The following BHMT2 variants were observed in gnomAD, a reference collection of about 807,000 sequenced individuals.
The protein encoded by BHMT2 is S-methylmethionine--homocysteine S-methyltransferase BHMT2.
Under a neutral mutation model 39.0 loss-of-function variants are expected in BHMT2, and 28 were observed. The observed-to-expected ratio is 0.72, with a 90% CI of 0.53 to 0.98. The LOEUF (loss-of-function observed/expected upper bound fraction) is 0.98, where lower values mean the gene tolerates loss of function less well. Among genes scored for constraint, BHMT2 ranks in the 50% least tolerant of loss-of-function variants. The probability of loss-of-function intolerance (pLI) is 0.00; values close to 1 mark genes in which losing one functional copy is unlikely to be tolerated. For synonymous variants in BHMT2, 145 were observed against 160.6 expected (o/e 0.90, Z 0.74); for missense variants, 410 against 455.6 (o/e 0.90, Z 0.91).
chr5:79,081,814 A>G (rs1210440396), intron 4 of BHMT2, among the ~76,000 whole-genome samples: 2 of 152,076 alleles, frequency 1.3e-5, no homozygotes, highest in South Asian at 2.1e-4. Context: ...GAGCCAAGAT[A>G]GGGCACCACT....
Position 79,084,115 on chromosome 5 carries a change from C to T in BHMT2, c.1010+259C>T, listed in dbSNP as rs569617848. 5.9e-5 allele frequency among the ~76,000 whole-genome samples: 9 copies of T among 152,224 alleles called. No homozygotes were observed. In the East Asian group the frequency reaches 1.7e-3, roughly 29 times the overall value. On this transcript the variant is annotated intron_variant, in intron 7 of 7. Transcript: ENST00000255192. ...TTCTGGAGACTGCAAAGTCCAAGAT[C>T]AAGGTGTCAGCAGATTCAATTTCTG... is the stretch of plus-strand genomic sequence containing the variant.
intron 7 of BHMT2, among the ~76,000 whole-genome samples, chr5:79,086,307 T>G (rs1192096208): frequency 6.6e-6 from 1 of 152,202 alleles, no homozygotes; most frequent in Non-Finnish European, 1.5e-5. Flanking sequence ...GCACCCCTTT[T>G]GCCCACAAGC....
At chr5:79,086,789 G>C (rs536164753) in intron 7 of BHMT2, among the ~76,000 whole-genome samples, 1 of 151,752 alleles carries the variant, frequency 6.6e-6, no homozygotes, top group Non-Finnish European at 1.5e-5. Context: ...TTCCATTGTT[G>C]AAAGAAAAAT....
In BHMT2 at chr5:79,083,638, C is replaced by A; in HGVS notation, c.792C>A (p.Ser264=). 1 of 1,613,802 alleles carries A rather than the reference C, an allele frequency of 6.2e-7. No individual in the cohort carries two copies. Among genetic ancestry groups the A allele is most frequent in the Non-Finnish European group, 8.5e-7 (1 of 1,179,878 alleles). The change falls in exon 7 of 8, where the codon TCC becomes TCA. Residue 264 remains serine, a synonymous_variant. Transcript: ENST00000255192. ...ACTATTGTGATTCAGGACTGGAGTC[C>A]AGAGTTGCCACCAGATGGGATATTC... is the stretch of plus-strand genomic sequence containing the variant. ...DLPEYPFGLE[S]RVATRWDIQK...
Position 79,080,812 on chromosome 5 carries a change from T to TA in BHMT2, c.390dup (p.Leu131ThrfsTer23). The TA allele has an allele frequency of 6.2e-7, 1 of 1,605,774 alleles. No homozygotes were observed. Among genetic ancestry groups the TA allele is most frequent in the Non-Finnish European group, 8.5e-7 (1 of 1,177,692 alleles). On this transcript the variant is annotated frameshift_variant, in exon 4 of 8. Transcript: ENST00000255192. LOFTEE classifies it high-confidence loss of function. Reference sequence around the variant, plus strand: ...AATACCAGAAGGATGAAGCTAGAATTAAAAAACTTTTTCGACAACAGCTAG... The same window carrying TA: ...AATACCAGAAGGATGAAGCTAGAATTAAAAAAACTTTTTCGACAACAGCTAG...
chr5:79,071,017 C>T (rs374422398), intron 1 of BHMT2: 1 of 152,172 alleles, frequency 6.6e-6, no homozygotes, highest in East Asian at 1.9e-4. Context: ...TTTTTTCTCT[C>T]AACTTTCTCT....
In BHMT2 at chr5:79,080,683, T is replaced by G. The variant is rs753503049; in HGVS notation, c.259-4T>G. Reference sequence around the variant, plus strand: ...CTATCTGAACTCTTGCTCTCTAACCTCAGTGGGAAGATGTAAATGCTGCTG... The same window carrying G: ...CTATCTGAACTCTTGCTCTCTAACCGCAGTGGGAAGATGTAAATGCTGCTG... On this transcript the variant is annotated splice_region_variant and splice_polypyrimidine_tract_variant and intron_variant, in intron 3 of 7. Coordinates refer to ENST00000255192, the MANE Select transcript of BHMT2 (RefSeq NM_017614.5). The G allele has an allele frequency of 6.3e-7, 1 of 1,579,640 alleles. No individual in the cohort carries two copies. Among genetic ancestry groups the G allele is most frequent in the Admixed American group, 2.0e-5 (1 of 49,124 alleles).
chr5:79,074,977 C>T (rs946161415), intron 1 of BHMT2, among the ~76,000 whole-genome samples: 10 of 152,152 alleles, frequency 6.6e-5, no homozygotes, highest in Admixed American at 3.9e-4. Flanking sequence ...CTGAGGAGGA[C>T]AGTACCCTAG....
chr5:79,078,152 G>C (rs931373440), intron 2 of BHMT2: 1 of 151,898 alleles, frequency 6.6e-6, no homozygotes, highest in Admixed American at 6.6e-5. Context: ...GTGTAACAGC[G>C]TTTATAGTGA....
intron 1 of BHMT2, among the ~76,000 whole-genome samples, chr5:79,076,786 T>G: frequency 6.6e-6 from 1 of 152,212 alleles, no homozygotes; most frequent in South Asian, 2.1e-4. Flanking sequence ...CCACTACCGT[T>G]CTGTTCAGTG....
Position 79,080,977 on chromosome 5 carries a change from A to G in BHMT2, c.450+99A>G, listed in dbSNP as rs56924695. ...GGGTATTGGACAACATTCTGCCCTC[A>G]TTTCTTCCATGTGGATGGTCAAAGG... On this transcript the variant is annotated intron_variant, in intron 4 of 7. Coordinates refer to ENST00000255192, the MANE Select transcript of BHMT2 (RefSeq NM_017614.5). 589 of 1,140,200 alleles carry G rather than the reference A, an allele frequency of 5.2e-4. 1 individual carries two copies. In the African/African-American group the frequency reaches 8.4e-3, roughly 16 times the overall value. The allele number at this position is 1,140,200 out of a possible 1,614,324, so 70.6% of individuals were successfully genotyped here. A position where few individuals can be genotyped will look rare whatever the true frequency, so the allele number is the denominator to read the frequency against.
chr5:79,072,096 G>C (rs1389646315), intron 1 of BHMT2, among the ~76,000 whole-genome samples: 1 of 152,010 alleles, frequency 6.6e-6, no homozygotes, highest in East Asian at 1.9e-4. Context: ...GTGAAACCCT[G>C]TCTCTACTAA....
chr5:79,087,014 G>GTGTGCATATA lies in BHMT2; in HGVS notation c.1011-1478_1011-1477insGTGCATATAT, dbSNP rs1329456863. Among the ~76,000 whole-genome samples the GTGTGCATATA allele has an allele frequency of 4.7e-3, 554 of 118,304 alleles. 7 individuals are homozygous for GTGTGCATATA. Among genetic ancestry groups the GTGTGCATATA allele is most frequent in the African/African-American group, 0.017 (535 of 31,464 alleles). The allele number at this position is 118,304 out of a possible 152,430, so 77.6% of individuals were successfully genotyped here. A position where few individuals can be genotyped will look rare whatever the true frequency, so the allele number is the denominator to read the frequency against. ...TGTGTATGTATGTGTGTGTGTGTGTGTATATATATATATATATATATATAT... is the reference window on the plus strand; with the variant it reads ...TGTGTATGTATGTGTGTGTGTGTGTGTGTGCATATATATATATATATATATATATATATAT... On this transcript the variant is annotated intron_variant, in intron 7 of 7. Transcript: ENST00000255192.
intron 1 of BHMT2, 91 bp from the exon 2 acceptor site, chr5:79,077,389 C>A: frequency 1.3e-6 from 2 of 1,487,864 alleles, no homozygotes; most frequent in Non-Finnish European, 1.8e-6. Context: ...GCTCTAAGAA[C>A]GTAATACCAC....
chr5:79,081,623 G>A (rs1433736839), intron 4 of BHMT2, among the ~76,000 whole-genome samples: 1 of 152,142 alleles, frequency 6.6e-6, no homozygotes, highest in Admixed American at 6.5e-5. Context: ...ACTTTGGGAG[G>A]CCAAGGCAGG....
chr5:79,083,003 A>G, intron 5 of BHMT2, 47 bp downstream of exon 5: 1 of 1,609,444 alleles, frequency 6.2e-7, no homozygotes, highest in Non-Finnish European at 8.5e-7. Flanking sequence ...GTTGCTTACG[A>G]AATTTAACAA....
At chr5:79,074,736 C>T (rs114902225) in intron 1 of BHMT2, among the ~76,000 whole-genome samples, 489 of 152,272 alleles carry the variant, frequency 3.2e-3, no homozygotes, top group African/African-American at 0.011. Context: ...CCCCTCCTTC[C>T]GAAGGATTAG....
intron 3 of BHMT2, 138 bp downstream of exon 3, chr5:79,079,598 A>C: frequency 1.5e-6 from 1 of 665,868 alleles, no homozygotes; most frequent in South Asian, 1.9e-5. Context: ...TTTCACGTGA[A>C]GATATATACT....
At chr5:79,080,544 C>T in intron 3 of BHMT2, 143 bp from the exon 4 acceptor site, 1 of 646,926 alleles carries the variant, frequency 1.5e-6, no homozygotes, top group Non-Finnish European at 2.6e-6. Context: ...GGAGATTGTA[C>T]CCAACTCTGC....
Sources: gnomAD v4.1 joint callset for allele counts (sites outside exome capture counted in the v4.1 genomes callset) on GRCh38, gnomAD v4.1.1 for gene constraint, MANE v1.5 for transcripts, NCBI Gene and HGNC (gene_info 2026-07-23, HGNC 2026-07-21) for gene names.